Variants in MAP4K4 observed in about 807,000 individuals in gnomAD.
MAP4K4 encodes mitogen-activated protein kinase kinase kinase kinase 4.
A neutral mutation model predicts 189.6 loss-of-function variants in MAP4K4; 38 were observed. The observed-to-expected ratio is 0.20, with a 90% CI of 0.15 to 0.26. MAP4K4 has a LOEUF of 0.26. Among genes scored for constraint, MAP4K4 ranks in the 10% least tolerant of loss-of-function variants. The pLI is 1.00. For synonymous variants in MAP4K4, 610 were observed against 624.3 expected (o/e 0.98, Z 0.34); for missense variants, 1,054 against 1,726.9 (o/e 0.61, Z 6.91).
chr2:101,776,572 A>G, intron 2 of MAP4K4, among the ~76,000 whole-genome samples: 1 of 23,954 alleles, frequency 4.2e-5, no homozygotes, highest in African/African-American at 1.2e-4. Context: ...ATGCACCCCC[A>G]CCCCCCCACC....
chr2:101,863,814 T>C lies in MAP4K4; in HGVS notation c.1867-7T>C. On this transcript the variant is annotated splice_region_variant and splice_polypyrimidine_tract_variant and intron_variant, in intron 16 of 32. Transcript: ENST00000324219. The stretch of plus-strand genomic sequence containing the variant: ...ATTGAATGTTTTGTGTTTTGTTTTC[T>C]TGTAAGGTACAGTGGTCCCACCTGG... 1 of 1,365,722 alleles carries C rather than the reference T, an allele frequency of 7.3e-7. No individual in the cohort carries two copies. The allele number at this position is 1,365,722 out of a possible 1,614,324, so 84.6% of individuals were successfully genotyped here. A position where few individuals can be genotyped will look rare whatever the true frequency, so the allele number is the denominator to read the frequency against.
intron 2 of MAP4K4, among the ~76,000 whole-genome samples, chr2:101,727,818 A>T (rs1190014698): frequency 6.6e-6 from 1 of 152,096 alleles, no homozygotes; most frequent in Non-Finnish European, 1.5e-5. Context: ...AAAATACAAA[A>T]ATCAGCCGGG....
At chr2:101,734,632 CCTGT>C (rs1249995686) in intron 2 of MAP4K4, among the ~76,000 whole-genome samples, 1 of 152,176 alleles carries the variant, frequency 6.6e-6, no homozygotes, top group Non-Finnish European at 1.5e-5. Flanking sequence ...TGAGAACTGG[CCTGT>C]CCTCTCCACA....
At chr2:101,886,958 G>A (rs933157491) in intron 29 of MAP4K4, 130 bp from the exon 30 acceptor site, 1 of 612,348 alleles carries the variant, frequency 1.6e-6, no homozygotes, top group East Asian at 3.3e-5. Flanking sequence ...CTGGGAGGCG[G>A]AGCTTGCAGT....
intron 3 of MAP4K4, among the ~76,000 whole-genome samples, chr2:101,814,788 G>A (rs563201636): frequency 6.6e-6 from 1 of 152,282 alleles, no homozygotes; most frequent in Non-Finnish European, 1.5e-5. Flanking sequence ...GTGTACTGTG[G>A]TGATTCATGA....
At chr2:101,782,713 C>T (rs1018993763) in intron 2 of MAP4K4, among the ~76,000 whole-genome samples, 8 of 152,122 alleles carry the variant, frequency 5.3e-5, no homozygotes, top group Non-Finnish European at 8.8e-5. Context: ...CTAGTACCAA[C>T]CAGGAGATGT....
At chr2:101,834,508 T>C in intron 8 of MAP4K4, 45 bp downstream of exon 8, 1 of 1,465,738 alleles carries the variant, frequency 6.8e-7, no homozygotes, top group Non-Finnish European at 9.5e-7. Context: ...TACATGTGAC[T>C]TAAACCCCTC....
intron 2 of MAP4K4, among the ~76,000 whole-genome samples, chr2:101,762,274 G>A (rs1292792880): frequency 6.6e-6 from 1 of 152,152 alleles, no homozygotes; most frequent in Non-Finnish European, 1.5e-5. Context: ...ATGGAGTCTG[G>A]CAAATTGCCA....
At chr2:101,865,395 C>T (rs908940511) in intron 18 of MAP4K4, among the ~76,000 whole-genome samples, 3 of 152,180 alleles carry the variant, frequency 2.0e-5, no homozygotes, top group Admixed American at 2.0e-4. Flanking sequence ...ACAGAAATCA[C>T]AAACAGGTTA....
chr2:101,881,519 CTTTT>C (rs1180903893), intron 27 of MAP4K4, among the ~76,000 whole-genome samples: 4 of 152,038 alleles, frequency 2.6e-5, no homozygotes, highest in Non-Finnish European at 5.9e-5. Flanking sequence ...TTTTATTTCC[CTTTT>C]TTGTCTAATT....
intron 2 of MAP4K4, among the ~76,000 whole-genome samples, chr2:101,704,573 T>A (rs1162426994): frequency 1.6e-5 from 1 of 61,370 alleles, no homozygotes; most frequent in African/African-American, 5.7e-5. Context: ...ATATATTTTT[T>A]TTTTTTTTTT....
At chr2:101,817,254 A>G (rs978720138) in intron 3 of MAP4K4, among the ~76,000 whole-genome samples, 2 of 152,166 alleles carry the variant, frequency 1.3e-5, no homozygotes, top group Admixed American at 6.5e-5. Flanking sequence ...CTTTGGAAAG[A>G]TCTAATAGTT....
At chr2:101,831,982 T>G in intron 7 of MAP4K4, 131 bp downstream of exon 7, 2 of 1,064,518 alleles carry the variant, frequency 1.9e-6, no homozygotes, top group South Asian at 3.3e-5. Context: ...TGAGGAAAAT[T>G]GCAGGTGCAA....
chr2:101,834,483 T>C lies in MAP4K4; in HGVS notation c.694+20T>C. ...CTCCCCGTAAGTAACTTTCTTTTCT[T>C]TTTAGCTCACTTGTTACATGTGACT... On this transcript the variant is annotated intron_variant, in intron 8 of 32. Transcript: ENST00000324219. 6.3e-7 allele frequency: 1 copy of C among 1,593,482 alleles called. No homozygotes were observed. The highest frequency in any genetic ancestry group is 8.6e-7 in the Non-Finnish European group (1 of 1,166,876).
Position 101,740,105 on chromosome 2 carries a change from A to G in MAP4K4, c.123+41567A>G, listed in dbSNP as rs146529079. ...GATGGAAAGTACTACTGAACCTTCA[A>G]CACAACATCTGTCGCTTTCTTGGCT... On this transcript the variant is annotated intron_variant, in intron 2 of 32. Transcript: ENST00000324219. 4.3e-4 allele frequency among the ~76,000 whole-genome samples: 65 copies of G among 152,090 alleles called. No individual in the cohort carries two copies. In the East Asian group the frequency reaches 0.012, roughly 29 times the overall value.
chr2:101,822,169 A>G, intron 3 of MAP4K4, among the ~76,000 whole-genome samples: 1 of 152,276 alleles, frequency 6.6e-6, no homozygotes, highest in South Asian at 2.1e-4. Flanking sequence ...AAAGTATTGT[A>G]AACAAACCAC....
chr2:101,891,773 A>G (rs1195788013), exon 33 of MAP4K4: 1 of 153,056 alleles, frequency 6.5e-6, no homozygotes, highest in Non-Finnish European at 1.5e-5. Context: ...CGATATGTGG[A>G]CAAAGAAGAA....
intron 29 of MAP4K4, 23 bp downstream of exon 29, chr2:101,885,310 A>G: frequency 7.0e-7 from 1 of 1,430,520 alleles, no homozygotes; most frequent in African/African-American, 1.4e-5. Flanking sequence ...AGTGAATTTA[A>G]AAGTAGTATT....
Position 101,815,788 on chromosome 2 carries a change from C to T in MAP4K4, c.181-8140C>T, listed in dbSNP as rs74708336. Among the ~76,000 whole-genome samples, 57 of 152,252 alleles carry T rather than the reference C, an allele frequency of 3.7e-4. 1 individual carries two copies. In the East Asian group the frequency reaches 0.01, roughly 27 times the overall value. ...AGAGTCTTCTGAGTCCTGTGAATGACGAGTTTTTCCAATCTAGCCAACGGC... is the reference window on the plus strand; with the variant it reads ...AGAGTCTTCTGAGTCCTGTGAATGATGAGTTTTTCCAATCTAGCCAACGGC... On this transcript the variant is annotated intron_variant, in intron 3 of 32. Transcript: ENST00000324219.
Sources: gnomAD v4.1 joint callset for allele counts (sites outside exome capture counted in the v4.1 genomes callset) on GRCh38, gnomAD v4.1.1 for gene constraint, MANE v1.5 for transcripts, NCBI Gene and HGNC (gene_info 2026-07-23, HGNC 2026-07-21) for gene names.